Variants in TMEM63C observed in about 807,000 individuals in gnomAD.
TMEM63C encodes transmembrane protein 63C.
TMEM63C carries 32 observed loss-of-function variants against 99.2 expected under a neutral mutation model. The ratio of observed to expected loss-of-function variants is 0.32; its 90% CI spans 0.24 to 0.43. The LOEUF (loss-of-function observed/expected upper bound fraction) is 0.43, where lower values mean the gene tolerates loss of function less well. Ranked by LOEUF, TMEM63C falls within the 20% of genes least tolerant of loss-of-function variation. TMEM63C has a pLI of 1.00. For synonymous variants in TMEM63C, 376 were observed against 397.9 expected (o/e 0.94, Z 0.66); for missense variants, 826 against 1,053.0 (o/e 0.78, Z 2.98).
Position 77,248,348 on chromosome 14 carries a change from T to C in TMEM63C, c.1603T>C (p.Cys535Arg). 2 of 1,608,232 alleles carry C rather than the reference T, an allele frequency of 1.2e-6. 1 individual carries two copies. The highest frequency in any genetic ancestry group is 1.7e-6 in the Non-Finnish European group (2 of 1,177,446). ...YLEQASIRFQ[C>R]VFLPDNGAFF... ...CCTTCCCTCTCCCTCACTGCCCAGGTGTGTGTTCCTGCCAGACAACGGCGC... is the reference window on the plus strand; with the variant it reads ...CCTTCCCTCTCCCTCACTGCCCAGGCGTGTGTTCCTGCCAGACAACGGCGC... Residue 535 changes from cysteine (C) to arginine (R), a missense_variant and splice_region_variant, in exon 19 of 24, where the codon TGT (cysteine) becomes CGT (arginine). Cys to Arg is a radical substitution (Grantham distance 180). Transcript: ENST00000298351.
intron 2 of TMEM63C, among the ~76,000 whole-genome samples, chr14:77,217,249 G>A (rs1441885106): frequency 6.6e-6 from 1 of 152,118 alleles, no homozygotes. Context: ...AACTCTCCGG[G>A]CAAGCTCGAA....
At chr14:77,246,109 C>A in intron 17 of TMEM63C, 83 bp downstream of exon 17, 2 of 1,095,448 alleles carry the variant, frequency 1.8e-6, no homozygotes, top group Non-Finnish European at 2.8e-6. Context: ...TGTAGACCTG[C>A]CTGTGATTGC....
chr14:77,225,258 A>G (rs1888795722), intron 5 of TMEM63C, among the ~76,000 whole-genome samples, 166 bp from the exon 6 acceptor site: 1 of 152,194 alleles, frequency 6.6e-6, no homozygotes, highest in Non-Finnish European at 1.5e-5. Context: ...ATCTCCCTCC[A>G]CAGTCACCAC....
intron 15 of TMEM63C, among the ~76,000 whole-genome samples, chr14:77,243,675 C>A (rs561076703): frequency 9.2e-5 from 14 of 152,178 alleles, no homozygotes; most frequent in Non-Finnish European, 1.5e-4. Flanking sequence ...TTTCCAAATT[C>A]TTTAGCCTCA....
At chr14:77,210,082 A>G (rs1271529887) in intron 1 of TMEM63C, among the ~76,000 whole-genome samples, 1 of 152,174 alleles carries the variant, frequency 6.6e-6, no homozygotes, top group East Asian at 1.9e-4. Flanking sequence ...CTCCTTATTT[A>G]GGAGGAGTGA....
intron 6 of TMEM63C, among the ~76,000 whole-genome samples, chr14:77,229,613 A>AATATATAT (rs149146698): frequency 0.068 from 8,010 of 117,706 alleles, 613 homozygotes; most frequent in East Asian, 0.23. Flanking sequence ...ACACCCAGCT[A>AATATATAT]ATATATATAT....
intron 1 of TMEM63C, among the ~76,000 whole-genome samples, chr14:77,184,994 A>G (rs751440986): frequency 2.0e-4 from 30 of 152,174 alleles, no homozygotes; most frequent in Non-Finnish European, 3.4e-4. Context: ...TTCCTTGCCA[A>G]CACCCCTGGG....
intron 18 of TMEM63C, among the ~76,000 whole-genome samples, chr14:77,247,642 G>T (rs542439316): frequency 6.6e-6 from 1 of 152,326 alleles, no homozygotes; most frequent in African/African-American, 2.4e-5. Context: ...GACCACGTGG[G>T]ACATTCTGCC....
intron 5 of TMEM63C, among the ~76,000 whole-genome samples, chr14:77,223,677 CAG>C (rs148410431): frequency 2.3e-4 from 32 of 139,226 alleles, no homozygotes; most frequent in Non-Finnish European, 2.9e-4. Context: ...ATGAGAGAGA[CAG>C]AGAGAGAGAG....
Position 77,218,952 on chromosome 14 carries a change from G to T in TMEM63C, c.139G>T (p.Ala47Ser). ...GVPTVLCLNI[A>S]LWVLVLVVYS... ...CCCCACCGTGCTGTGCCTCAACATC[G>T]CCCTGTGGGTGGTGAGTCCTGGGCA... The change falls in exon 3 of 24, where the codon GCC becomes TCC. Residue 47 changes from alanine to serine, a missense_variant. Physicochemically the swap from Ala to Ser is moderately conservative, Grantham distance 99 (BLOSUM62 1). Transcript: ENST00000298351. The T allele has an allele frequency of 6.3e-7, 1 of 1,592,124 alleles. No homozygotes were observed. The highest frequency in any genetic ancestry group is 8.6e-7 in the Non-Finnish European group (1 of 1,168,968).
chr14:77,201,898 T>C (rs1157643563), intron 1 of TMEM63C, among the ~76,000 whole-genome samples: 2 of 152,206 alleles, frequency 1.3e-5, no homozygotes, highest in Non-Finnish European at 2.9e-5. Flanking sequence ...GCTGAGATCA[T>C]TGCACTGACA....
Position 77,239,397 on chromosome 14 carries a change from T to C in TMEM63C, c.726-15T>C. On this transcript the variant is annotated splice_polypyrimidine_tract_variant and intron_variant, in intron 10 of 23. Transcript: ENST00000298351. The stretch of plus-strand genomic sequence containing the variant: ...ACCCCACAGGCCGACTCAGCACCCA[T>C]GTTTGTGGCTGCAGCGAGGCCTATC... 6.2e-7 allele frequency: 1 copy of C among 1,609,088 alleles called. No homozygotes were observed. Among genetic ancestry groups the C allele is most frequent in the Non-Finnish European group, 8.5e-7 (1 of 1,176,400 alleles).
chr14:77,245,281 T>A (rs1889249412), intron 16 of TMEM63C, among the ~76,000 whole-genome samples: 1 of 152,196 alleles, frequency 6.6e-6, no homozygotes, highest in Non-Finnish European at 1.5e-5. Flanking sequence ...ACATCACTAG[T>A]GGATCATGCT....
At position 77,181,870 on chromosome 14, in the gene TMEM63C, G is replaced by GGGCCGC. The variant is rs1305356867; in HGVS notation, c.-98_-93dup. The GGGCCGC allele has an allele frequency of 6.7e-6, 1 of 149,212 alleles. No homozygotes were observed. Among genetic ancestry groups the GGGCCGC allele is most frequent in the South Asian group, 2.2e-4 (1 of 4,470 alleles). The allele number at this position is 149,212 out of a possible 1,614,324, so 9.2% of individuals were successfully genotyped here. On this transcript the variant is annotated 5_prime_UTR_variant, in exon 1 of 24. Transcript: ENST00000298351. ...GGCCTGAGCGCCGAGCCTGGGGCTG[G>GGGCCGC]GGCCGCGGTGCTGAGGACGCAAATG... is the stretch of plus-strand genomic sequence containing the variant.
chr14:77,194,429 G>A (rs1319639907), intron 1 of TMEM63C, among the ~76,000 whole-genome samples: 1 of 150,928 alleles, frequency 6.6e-6, no homozygotes, highest in Non-Finnish European at 1.5e-5. Context: ...TTTAGGAAAT[G>A]ATACTTATGT....
intron 9 of TMEM63C, among the ~76,000 whole-genome samples, chr14:77,237,496 C>A (rs1470317873): frequency 6.6e-6 from 1 of 152,182 alleles, no homozygotes; most frequent in Non-Finnish European, 1.5e-5. Flanking sequence ...GGCAACTTAC[C>A]CCTGTGGGCA....
rs369138172 is a variant in TMEM63C at position 77,246,606 on chromosome 14, T to C, written c.1536-3T>C. 6.2e-7 allele frequency: 1 copy of C among 1,612,416 alleles called. No individual in the cohort carries two copies. Among genetic ancestry groups the C allele is most frequent in the African/African-American group, 1.3e-5 (1 of 74,950 alleles). Reference sequence around the variant, plus strand: ...AACAGACCTGCCTTGTTTTTGCTTCTAGTTTGGATGTCTTTCTCCGCTGGC... The same window carrying C: ...AACAGACCTGCCTTGTTTTTGCTTCCAGTTTGGATGTCTTTCTCCGCTGGC... On this transcript the variant is annotated splice_polypyrimidine_tract_variant and splice_region_variant and intron_variant, in intron 17 of 23. Coordinates refer to ENST00000298351, the MANE Select transcript of TMEM63C (RefSeq NM_020431.4).
In TMEM63C at chr14:77,220,013, T is replaced by C; in HGVS notation, c.238T>C (p.Ser80Pro). ...CCCTTCCCTGGCTGGCAGCCTGACC[T>C]CGCTGATCTATGGGGAGCAGAGCGA... ...ALLIHNDSLTSLIYGEQSEKT... is the reference protein window; with the variant it reads ...ALLIHNDSLTPLIYGEQSEKT... The change falls in exon 5 of 24, where the codon TCG (serine) becomes CCG (proline). Residue 80 changes from serine (S) to proline (P), a missense_variant. Physicochemically the swap from Ser to Pro is moderately conservative, Grantham distance 74. Coordinates refer to ENST00000298351, the MANE Select transcript of TMEM63C (RefSeq NM_020431.4). 6.4e-7 allele frequency: 1 copy of C among 1,558,580 alleles called. No homozygotes were observed. Among genetic ancestry groups the C allele is most frequent in the South Asian group, 1.2e-5 (1 of 84,346 alleles).
At chr14:77,186,171 C>T (rs554154323) in intron 1 of TMEM63C, among the ~76,000 whole-genome samples, 7 of 152,172 alleles carry the variant, frequency 4.6e-5, no homozygotes, top group South Asian at 2.1e-4. Flanking sequence ...GCCAACACGT[C>T]GGCTAATTTC....
Sources: gnomAD v4.1 joint callset for allele counts (sites outside exome capture counted in the v4.1 genomes callset) on GRCh38, gnomAD v4.1.1 for gene constraint, MANE v1.5 for transcripts, NCBI Gene and HGNC (gene_info 2026-07-23, HGNC 2026-07-21) for gene names.